Variants in LRP1B observed in about 807,000 individuals in gnomAD.
LRP1B encodes the protein LDL receptor related protein 1B, also known as low-density lipoprotein receptor-related protein 1B.
A neutral mutation model predicts 556.6 loss-of-function variants in LRP1B; 217 were observed. The ratio of observed to expected loss-of-function variants is 0.39; its 90% CI spans 0.35 to 0.44. LRP1B has a LOEUF of 0.44. LRP1B is among the 20% of genes least tolerant of loss of function. The pLI, the probability that LRP1B is intolerant of heterozygous loss-of-function variation, is 1.00. For missense variants in LRP1B, 5,053 were observed against 5,620.8 expected (o/e 0.90, Z 3.23); for synonymous variants, 2,047 against 1,865.8 (o/e 1.10, Z -2.50).
rs566140625 is a variant in LRP1B at position 140,350,341 on chromosome 2, A to G, written c.11892+456T>C. On this transcript the variant is annotated intron_variant, in intron 77 of 90. Transcript: ENST00000389484. ...AAATATAGTTATCAGGAGTCAGAAGAAATGGTTACACTATTGAGTTGATGT... is the reference window on the plus strand; with the variant it reads ...AAATATAGTTATCAGGAGTCAGAAGGAATGGTTACACTATTGAGTTGATGT... 5.3e-5 allele frequency among the ~76,000 whole-genome samples: 8 copies of G among 152,206 alleles called. No homozygotes were observed. In the East Asian group the frequency reaches 1.4e-3, roughly 26 times the overall value.
intron 16 of LRP1B, among the ~76,000 whole-genome samples, chr2:140,990,076 G>A (rs1820845): frequency 0.43 from 64,544 of 151,618 alleles, 14,611 homozygotes; most frequent in East Asian, 0.6. Flanking sequence ...GCATGGTGGC[G>A]CATGCCTGTA....
intron 1 of LRP1B, among the ~76,000 whole-genome samples, chr2:141,906,037 T>A (rs918903637): frequency 4.0e-5 from 6 of 150,622 alleles, no homozygotes; most frequent in Middle Eastern, 6.9e-3. Flanking sequence ...TGTGTGTATA[T>A]ACATCTCTAA....
rs377357254 is a variant in LRP1B at position 140,678,206 on chromosome 2, T to C, written c.6799+22044A>G. On this transcript the variant is annotated intron_variant, in intron 41 of 90. Coordinates refer to ENST00000389484, the MANE Select transcript of LRP1B (RefSeq NM_018557.3). ...TTGCCTATAAGAAACAAAAAAGACA[T>C]TCATGAAGAATGATGTGGACAGGTA... is the stretch of plus-strand genomic sequence containing the variant. Among the ~76,000 whole-genome samples, 15 of 152,258 alleles carry C rather than the reference T, an allele frequency of 9.9e-5. No individual in the cohort carries two copies. In the South Asian group the frequency reaches 2.7e-3, roughly 27 times the overall value.
chr2:140,771,858 G>T (rs1689323236), intron 33 of LRP1B, among the ~76,000 whole-genome samples: 1 of 152,184 alleles, frequency 6.6e-6, no homozygotes, highest in Admixed American at 6.5e-5. Context: ...AATCCAGTGA[G>T]AATTACAAAG....
chr2:141,642,755 A>G (rs1689386831), intron 2 of LRP1B, among the ~76,000 whole-genome samples: 1 of 152,128 alleles, frequency 6.6e-6, no homozygotes, highest in Admixed American at 6.6e-5. Context: ...GCCCCTTTGA[A>G]CACAAAATAA....
At chr2:140,286,143 T>G (rs1421328892) in intron 84 of LRP1B, among the ~76,000 whole-genome samples, 1 of 151,862 alleles carries the variant, frequency 6.6e-6, no homozygotes, top group South Asian at 2.1e-4. Flanking sequence ...TAATATTTGT[T>G]GAATTAATAA....
chr2:141,222,696 C>T (rs761406391), intron 6 of LRP1B, among the ~76,000 whole-genome samples: 47 of 152,146 alleles, frequency 3.1e-4, no homozygotes, highest in Non-Finnish European at 6.0e-4. Flanking sequence ...ATCAAGTTGG[C>T]TTCATTACTG....
chr2:140,285,621 C>G (rs1193357089), intron 84 of LRP1B, among the ~76,000 whole-genome samples: 2 of 151,674 alleles, frequency 1.3e-5, no homozygotes, highest in Non-Finnish European at 2.9e-5. Context: ...ATGTAATAAT[C>G]AGGTTCCCTC....
At chr2:141,329,922 T>C (rs1022362214) in intron 3 of LRP1B, among the ~76,000 whole-genome samples, 1 of 152,134 alleles carries the variant, frequency 6.6e-6, no homozygotes, top group African/African-American at 2.4e-5. Context: ...CTACCTACTC[T>C]ACGCTCAACG....
intron 3 of LRP1B, among the ~76,000 whole-genome samples, chr2:141,367,831 TA>T (rs1415748680): frequency 1.3e-5 from 2 of 152,044 alleles, no homozygotes; most frequent in Non-Finnish European, 2.9e-5. Flanking sequence ...TAAGGTTCAT[TA>T]AATATAAATA....
intron 1 of LRP1B, among the ~76,000 whole-genome samples, chr2:141,905,089 G>T (rs997006165): frequency 3.3e-5 from 5 of 151,888 alleles, no homozygotes; most frequent in Non-Finnish European, 4.4e-5. Context: ...GAGGTAAAGG[G>T]TGCATTGTTT....
chr2:141,744,913 C>T (rs562544757), intron 2 of LRP1B, among the ~76,000 whole-genome samples: 160 of 152,232 alleles, frequency 1.1e-3, no homozygotes, highest in African/African-American at 3.7e-3. Flanking sequence ...CATCTTAAGC[C>T]CAGTAATACT....
chr2:141,502,861 AAAT>A (rs1461058397), intron 2 of LRP1B, among the ~76,000 whole-genome samples: 1 of 137,674 alleles, frequency 7.3e-6, no homozygotes, highest in African/African-American at 3.0e-5. Context: ...CCGTCTCAAA[AAAT>A]AAAAAATAAA....
At chr2:140,853,124 CCT>C (rs1483816076) in intron 27 of LRP1B, among the ~76,000 whole-genome samples, 2 of 151,980 alleles carry the variant, frequency 1.3e-5, no homozygotes, top group Non-Finnish European at 2.9e-5. Flanking sequence ...TCCCTCCACC[CCT>C]CTTTCCTGAA....
At position 141,209,458 on chromosome 2, in the gene LRP1B, T is replaced by A. The variant is rs144588191; in HGVS notation, c.850+19725A>T. ...TGTGAGTCAATTAAATCTCTTTCCT[T>A]TATAAATTACCCAGTCTCAGGTATC... On this transcript the variant is annotated intron_variant, in intron 6 of 90. Coordinates refer to ENST00000389484, the MANE Select transcript of LRP1B (RefSeq NM_018557.3). 5.9e-3 allele frequency among the ~76,000 whole-genome samples: 893 copies of A among 152,314 alleles called. 9 individuals carry two copies. Among genetic ancestry groups the A allele is most frequent in the African/African-American group, 0.021 (865 of 41,562 alleles).
chr2:140,305,038 A>C (rs1308130845), intron 83 of LRP1B, among the ~76,000 whole-genome samples: 1 of 152,104 alleles, frequency 6.6e-6, no homozygotes, highest in Non-Finnish European at 1.5e-5. Context: ...TGCCTGTATC[A>C]TGCTGTTTTG....
chr2:141,486,732 C>A (rs1683134773), intron 2 of LRP1B, among the ~76,000 whole-genome samples: 1 of 152,108 alleles, frequency 6.6e-6, no homozygotes, highest in African/African-American at 2.4e-5. Context: ...ACTCAATTTT[C>A]TGAACTTATG....
chr2:140,932,916 C>CACACACAT (rs766679275), intron 20 of LRP1B, among the ~76,000 whole-genome samples: 2 of 147,612 alleles, frequency 1.4e-5, no homozygotes, highest in Admixed American at 1.4e-4. Context: ...CACACACACA[C>CACACACAT]ATATATATGT....
chr2:140,282,685 A>T (rs1295053030), intron 84 of LRP1B, among the ~76,000 whole-genome samples: 1 of 151,814 alleles, frequency 6.6e-6, no homozygotes, highest in Non-Finnish European at 1.5e-5. Context: ...CACAGCCTAT[A>T]ATCTCAAAGC....
Sources: gnomAD v4.1 joint callset for allele counts (sites outside exome capture counted in the v4.1 genomes callset) on GRCh38, gnomAD v4.1.1 for gene constraint, MANE v1.5 for transcripts, NCBI Gene and HGNC (gene_info 2026-07-23, HGNC 2026-07-21) for gene names.